ITPR2: variants seen among roughly 807,000 people sequenced by gnomAD.
ITPR2 encodes inositol 1,4,5-trisphosphate-gated calcium channel ITPR2.
ITPR2 carries 207 observed loss-of-function variants against 317.1 expected under a neutral mutation model. The observed-to-expected ratio is 0.65, with a 90% CI of 0.58 to 0.73. The LOEUF is 0.73. ITPR2 is among the 30% of genes least tolerant of loss of function. The pLI is 0.00. For synonymous variants in ITPR2, 1,156 were observed against 1,149.1 expected (o/e 1.01, Z -0.12); for missense variants, 2,613 against 3,284.0 (o/e 0.80, Z 4.99).
chr12:26,486,760 G>C (rs1001333908), intron 40 of ITPR2: 1 of 574,816 alleles, frequency 1.7e-6, no homozygotes, highest in Non-Finnish European at 3.3e-6. Flanking sequence ...GGTAATTTCT[G>C]TTTTTAAAGT....
intron 26 of ITPR2, among the ~76,000 whole-genome samples, chr12:26,607,767 T>C (rs2136763570): frequency 6.6e-6 from 1 of 152,280 alleles, no homozygotes; most frequent in Admixed American, 6.5e-5. Flanking sequence ...TTTTTTCCTT[T>C]TGCTCCGTCC....
At chr12:26,370,859 G>T (rs1200289192) in intron 55 of ITPR2, among the ~76,000 whole-genome samples, 1 of 152,176 alleles carries the variant, frequency 6.6e-6, no homozygotes, top group African/African-American at 2.4e-5. Flanking sequence ...GTTTTTAGTA[G>T]AGACAGGGTT....
At position 26,622,383 on chromosome 12, in the gene ITPR2, G is replaced by C; in HGVS notation, c.3145C>G (p.Leu1049Val). ...AACGTCCTGCCTCCTTCATCGTCAA[G>C]TTGAACTGGATTTTTTTCTTTTCTA... The part of the protein sequence containing the change: ...AGRKEKNPVQ[L>V]DDEGGRTFLR... The change falls in exon 25 of 57, where the codon CTT (leucine) becomes GTT (valine). Residue 1049 changes from leucine (L) to valine (V), a missense_variant. Physicochemically the swap from Leu to Val is conservative, Grantham distance 32. This residue lies in a region of ITPR2 where 817 missense variants were observed against 897.6 expected (regional missense o/e 0.91). Transcript: ENST00000381340. 6.2e-7 allele frequency: 1 copy of C among 1,603,840 alleles called. No individual in the cohort carries two copies. The highest frequency in any genetic ancestry group is 8.5e-7 in the Non-Finnish European group (1 of 1,176,898).
intron 2 of ITPR2, among the ~76,000 whole-genome samples, chr12:26,789,153 G>A (rs1950303734): frequency 6.6e-6 from 1 of 152,194 alleles, no homozygotes; most frequent in South Asian, 2.1e-4. Flanking sequence ...TCTACTTGGG[G>A]AGAAATCTGG....
At chr12:26,811,288 G>A (rs1950739584) in intron 1 of ITPR2, among the ~76,000 whole-genome samples, 1 of 152,122 alleles carries the variant, frequency 6.6e-6, no homozygotes, top group Non-Finnish European at 1.5e-5. Context: ...TTGCATCACT[G>A]CTGAAGAGGA....
intron 52 of ITPR2, among the ~76,000 whole-genome samples, chr12:26,402,037 GA>G (rs1940195479): frequency 6.6e-6 from 1 of 152,178 alleles, no homozygotes; most frequent in Non-Finnish European, 1.5e-5. Flanking sequence ...TTGGAGGAAG[GA>G]GAAATAGGGA....
intron 44 of ITPR2, 60 bp downstream of exon 44, chr12:26,476,852 C>G (rs1338018756): frequency 9.4e-7 from 1 of 1,062,058 alleles, no homozygotes; most frequent in East Asian, 2.4e-5. Flanking sequence ...GACATGCATT[C>G]TCTAAATTTT....
intron 21 of ITPR2, among the ~76,000 whole-genome samples, chr12:26,636,405 C>G (rs987001109): frequency 2.0e-5 from 3 of 152,184 alleles, no homozygotes; most frequent in African/African-American, 7.2e-5. Flanking sequence ...GGGAGTCTAC[C>G]TTTTTCTAAC....
intron 26 of ITPR2, among the ~76,000 whole-genome samples, chr12:26,606,093 T>G (rs17476787): frequency 0.13 from 20,435 of 152,000 alleles, 1,881 homozygotes; most frequent in Admixed American, 0.19. Flanking sequence ...ACTGGCCTAA[T>G]CTACAAAACC....
intron 21 of ITPR2, among the ~76,000 whole-genome samples, chr12:26,653,593 CTCTT>C (rs1947307572): frequency 6.6e-6 from 1 of 152,186 alleles, no homozygotes; most frequent in Non-Finnish European, 1.5e-5. Flanking sequence ...AATCTATTCT[CTCTT>C]TGACACCTTA....
rs538557738 is a variant in ITPR2 at position 26,654,053 on chromosome 12, G to A, written c.2663C>T (p.Thr888Ile). 1 of 1,400,872 alleles carries A rather than the reference G, an allele frequency of 7.1e-7. No individual in the cohort carries two copies. The highest frequency in any genetic ancestry group is 1.5e-5 in the African/African-American group (1 of 66,246). 86.8% of individuals were successfully genotyped at this position (1,400,872 alleles called of 1,614,324 possible). Residue 888 changes from threonine to isoleucine, a missense_variant, in exon 21 of 57, where the codon ACA becomes ATA. Around this residue, in one of 9 missense-constraint regions of ITPR2, gnomAD observed 817 missense variants for 897.6 expected, o/e 0.91. Coordinates refer to ENST00000381340, the MANE Select transcript of ITPR2 (RefSeq NM_002223.4). ...TACAATGTCTAAAATAGCCAGAAGT[G>A]TTCTTGTTAGCCTTAATAACTCACT... Reference protein sequence around the residue: ...SFSELLRLTRTLLAILDIVQA... With the variant: ...SFSELLRLTRILLAILDIVQA...
At chr12:26,515,549 C>T (rs1943464974) in intron 37 of ITPR2, among the ~76,000 whole-genome samples, 1 of 151,934 alleles carries the variant, frequency 6.6e-6, no homozygotes, top group Non-Finnish European at 1.5e-5. Context: ...CTGAAAACTC[C>T]ATTTTCAGCA....
At chr12:26,365,435 G>A (rs1394374554) in intron 55 of ITPR2, among the ~76,000 whole-genome samples, 2 of 151,954 alleles carry the variant, frequency 1.3e-5, no homozygotes, top group African/African-American at 4.8e-5. Context: ...TGTATCCCCA[G>A]ACTCATGACA....
Position 26,336,163 on chromosome 12 carries a change from G to C in ITPR2, c.*3234C>G, listed in dbSNP as rs1350230435. On this transcript the variant is annotated 3_prime_UTR_variant, in exon 57 of 57. Transcript: ENST00000381340. ...ATATTTACCCCTCCTTTTCTCTAAT[G>C]ATAGAGTACTGGGAAGCAGAAATCC... Among the ~76,000 whole-genome samples the C allele has an allele frequency of 3.3e-5, 5 of 152,036 alleles. No homozygotes were observed. The highest frequency in any genetic ancestry group is 7.2e-5 in the African/African-American group (3 of 41,394).
intron 55 of ITPR2, among the ~76,000 whole-genome samples, chr12:26,351,990 G>C (rs998629804): frequency 6.6e-6 from 1 of 152,210 alleles, no homozygotes; most frequent in African/African-American, 2.4e-5. Flanking sequence ...GAAAACATTT[G>C]GAATAGGGTA....
chr12:26,487,099 A>G lies in ITPR2; in HGVS notation c.5523T>C (p.Asn1841=). Residue 1841 remains asparagine, a synonymous_variant, in exon 40 of 57, where the codon AAT becomes AAC. Transcript: ENST00000381340. ...DLGNKKRDDD[N]ELMTSGPRMR... ...TTCGTGGACCAGATGTCATCAATTC[A>G]TTGTCATCGTCCCTTTTTTTGTTAC... 6.2e-7 allele frequency: 1 copy of G among 1,612,070 alleles called. No homozygotes were observed.
intron 1 of ITPR2, among the ~76,000 whole-genome samples, chr12:26,809,381 G>A (rs1950693025): frequency 6.6e-6 from 1 of 152,132 alleles, no homozygotes; most frequent in South Asian, 2.1e-4. Context: ...GCTATTCTGT[G>A]GAATGAAACT....
At chr12:26,375,883 G>A (rs1337579449) in intron 55 of ITPR2, among the ~76,000 whole-genome samples, 3 of 152,186 alleles carry the variant, frequency 2.0e-5, no homozygotes, top group East Asian at 3.8e-4. Flanking sequence ...CAGATCACTT[G>A]AGCTCAGGAG....
intron 43 of ITPR2, among the ~76,000 whole-genome samples, chr12:26,477,410 G>T (rs1942444730): frequency 6.6e-6 from 1 of 151,810 alleles, no homozygotes; most frequent in Non-Finnish European, 1.5e-5. Flanking sequence ...ACAATTTAAA[G>T]AATTTAGCAC....
Sources: gnomAD v4.1 joint callset for allele counts (sites outside exome capture counted in the v4.1 genomes callset) on GRCh38, gnomAD v4.1.1 for gene constraint, gnomAD v4.1.1 regional missense constraint, MANE v1.5 for transcripts, NCBI Gene and HGNC (gene_info 2026-07-23, HGNC 2026-07-21) for gene names.